The following EPPK1 variants were observed in gnomAD, a reference collection of about 807,000 sequenced individuals.
EPPK1 encodes the protein epiplakin.
For missense variants in EPPK1, 3,823 were observed against 3,673.3 expected, an observed-to-expected ratio of 1.04 and a Z score of -1.05; for synonymous variants, 1,862 against 1,721.2, an observed-to-expected ratio of 1.08 and a Z score of -2.03.
In EPPK1 at chr8:143,877,171, A is replaced by G. The variant is rs376973511; in HGVS notation, c.-46+1267T>C. The stretch of plus-strand genomic sequence containing the variant: ...CCTGTGGCTGGCTGCACCACTCCCT[A>G]TCTCTTCCTGACCTTGGGCCTGGTA... On this transcript the variant is annotated intron_variant, in intron 1 of 1. Transcript: ENST00000615648. Among the ~76,000 whole-genome samples the G allele has an allele frequency of 2.8e-4, 43 of 152,160 alleles. 1 individual carries two copies. The highest frequency in any genetic ancestry group is 8.9e-4 in the African/African-American group (37 of 41,444).
In EPPK1 at chr8:143,867,365, C is replaced by T. The variant is rs1554659440; in HGVS notation, c.5889G>A (p.Glu1963=). 1.2e-6 allele frequency: 2 copies of T among 1,612,922 alleles called. No homozygotes were observed. Among genetic ancestry groups the T allele is most frequent in the Non-Finnish European group, 1.7e-6 (2 of 1,179,872 alleles). ...CAGCCTTCAGGAGCCTCTCCCGCAG[C>T]TCCTCGTTCACCAGGCCCACATCCA... The part of the protein sequence containing the change: ...EAVDVGLVNE[E]LRERLLKAER... Residue 1963 remains glutamate, a synonymous_variant, in exon 2 of 2, where the codon GAG becomes GAA. Coordinates refer to ENST00000615648, the MANE Select transcript of EPPK1 (RefSeq NM_031308.4).
Position 143,857,974 on chromosome 8 carries a change from G to C in EPPK1, c.*13C>G. 1 of 1,541,768 alleles carries C rather than the reference G, an allele frequency of 6.5e-7. No individual in the cohort carries two copies. The highest frequency in any genetic ancestry group is 1.2e-5 in the South Asian group (1 of 83,958). ...TCTCCAGAGTTGCAGAAAACTGCAC[G>C]GAGGAAGCCCAGTCACTGTAGAGAG... On this transcript the variant is annotated 3_prime_UTR_variant, in exon 2 of 2. Transcript: ENST00000615648.
In EPPK1 at chr8:143,869,624, A is replaced by G. The variant is rs1819268076; in HGVS notation, c.3630T>C (p.Asp1210=). The G allele has an allele frequency of 2.5e-6, 4 of 1,581,626 alleles. No homozygotes were observed. The highest frequency in any genetic ancestry group is 2.6e-6 in the Non-Finnish European group (3 of 1,164,040). The change falls in exon 2 of 2, where the codon GAT becomes GAC. Residue 1210 remains aspartate, a synonymous_variant. Coordinates refer to ENST00000615648, the MANE Select transcript of EPPK1 (RefSeq NM_031308.4). The stretch of plus-strand genomic sequence containing the variant: ...GGGTCTCCTGGGTGATGATGCCAGC[A>G]TCCAGCAGCCAGACAGCGGGTACCT... The part of the protein sequence containing the change: ...RGEVPAVWLL[D]AGIITQETLE...
Position 143,870,117 on chromosome 8 carries a change from G to A in EPPK1, c.3137C>T (p.Thr1046Ile), listed in dbSNP as rs781919383. Residue 1046 changes from threonine to isoleucine, a missense_variant, in exon 2 of 2, where the codon ACA becomes ATA. Physicochemically the swap from Thr to Ile is moderately conservative, Grantham distance 89. Transcript: ENST00000615648. The surrounding 1 kb of genome is among the most constrained non-coding windows in gnomAD (Gnocchi z 5.2). ...GCTGGTGGGGTCAATGATCCCTCCT[G>A]TGGCCACTTGAGCCTCCAGGAGGCG... Reference protein sequence around the residue: ...AARLLEAQVATGGIIDPTSHH... With the variant: ...AARLLEAQVAIGGIIDPTSHH... 97 of 1,611,250 alleles carry A rather than the reference G, an allele frequency of 6.0e-5. No homozygotes were observed. Among genetic ancestry groups the A allele is most frequent in the Non-Finnish European group, 8.0e-5 (94 of 1,179,308 alleles).
rs1011327325 is a variant in EPPK1 at position 143,871,031 on chromosome 8, G to A, written c.2223C>T (p.Asp741=). 7.4e-6 allele frequency: 12 copies of A among 1,613,062 alleles called. No homozygotes were observed. Among genetic ancestry groups the A allele is most frequent in the Admixed American group, 1.7e-5 (1 of 60,004 alleles). Residue 741 remains aspartate, a synonymous_variant, in exon 2 of 2, where the codon GAC becomes GAT. Coordinates refer to ENST00000615648, the MANE Select transcript of EPPK1 (RefSeq NM_031308.4). ...CGAAGTAGCCGCGCCGGTAGGCCACGTCCACGGGCACGCGGTGGCTGTGCA... is the reference window on the plus strand; with the variant it reads ...CGAAGTAGCCGCGCCGGTAGGCCACATCCACGGGCACGCGGTGGCTGTGCA... ...DPVHSHRVPV[D]VAYRRGYFDQ...
Position 143,866,634 on chromosome 8 carries a change from G to A in EPPK1, c.6620C>T (p.Thr2207Met), listed in dbSNP as rs183595356. The A allele has an allele frequency of 1.4e-4, 220 of 1,613,018 alleles. No individual in the cohort carries two copies. Among genetic ancestry groups the A allele is most frequent in the Middle Eastern group, 1.3e-3 (8 of 6,062 alleles). The change falls in exon 2 of 2, where the codon ACG (threonine) becomes ATG (methionine). Residue 2207 changes from threonine (T) to methionine (M), a missense_variant. By Grantham distance (81) the Thr-to-Met change is moderately conservative. Transcript: ENST00000615648. Reference sequence around the variant, plus strand: ...GCGGTCGTCCTCCATGAGCTCTTGCGTCGTGCTCCGTCCCGTTTCCAGGTC... The same window carrying A: ...GCGGTCGTCCTCCATGAGCTCTTGCATCGTGCTCCGTCCCGTTTCCAGGTC... ...LQDLETGRSTTQELMEDDRVK... is the reference protein window; with the variant it reads ...LQDLETGRSTMQELMEDDRVK...
At chr8:143,873,368 T>C (rs1314427233) in intron 1 of EPPK1, 70 bp from the exon 2 acceptor site, 4 of 1,165,258 alleles carry the variant, frequency 3.4e-6, no homozygotes, top group South Asian at 1.8e-5. Context: ...GATGCGGTCA[T>C]GGGGCAATCC....
At chr8:143,873,438 T>A in intron 1 of EPPK1, 140 bp from the exon 2 acceptor site, 1 of 571,316 alleles carries the variant, frequency 1.8e-6, no homozygotes, top group Non-Finnish European at 2.8e-6. Context: ...CCCGAGGAGC[T>A]GAGTCTGCCC....
Position 143,869,105 on chromosome 8 carries a change from G to A in EPPK1, c.4149C>T (p.Gly1383=), listed in dbSNP as rs546792286. ...CCTGGCTCGTCTGTGTGTCCAGAAG[G>A]CCGAGTCTGCAGGCTGCCGCCTGGG... is the stretch of plus-strand genomic sequence containing the variant. The part of the protein sequence containing the change: ...HLPQAAACRL[G]LLDTQTSQVL... Residue 1383 remains glycine, a synonymous_variant, in exon 2 of 2, where the codon GGC becomes GGT. Transcript: ENST00000615648. 2.5e-6 allele frequency: 4 copies of A among 1,606,492 alleles called. No homozygotes were observed. The highest frequency in any genetic ancestry group is 1.1e-5 in the South Asian group (1 of 91,068).
rs781795230 is a variant in EPPK1, at chr8:143,870,486, C to T, written c.2768G>A (p.Arg923His). The change falls in exon 2 of 2, where the codon CGC (arginine) becomes CAC (histidine). Residue 923 changes from arginine to histidine, a missense_variant. Physicochemically the swap from Arg to His is conservative, Grantham distance 29 (BLOSUM62 0). Transcript: ENST00000615648. This position sits in a 1 kb window ranked among gnomAD's most constrained non-coding sequence, Gnocchi z 5.2. ...PEALLLMDGVRRYLCGLGAVG... is the reference protein window; with the variant it reads ...PEALLLMDGVHRYLCGLGAVG... Reference sequence around the variant, plus strand: ...AGCTCCCAGGCCGCACAGGTACCTGCGGACGCCGTCCATGAGTAGGAGGGC... The same window carrying T: ...AGCTCCCAGGCCGCACAGGTACCTGTGGACGCCGTCCATGAGTAGGAGGGC... 2.0e-5 allele frequency: 32 copies of T among 1,604,516 alleles called. No individual in the cohort carries two copies. The East Asian group carries it at 4.2e-4, about 21-fold the overall frequency.
Position 143,866,078 on chromosome 8 carries a change from G to A in EPPK1, c.7176C>T (p.His2392=). Residue 2392 remains histidine, a synonymous_variant, in exon 2 of 2, where the codon CAC becomes CAT. Coordinates refer to ENST00000615648, the MANE Select transcript of EPPK1 (RefSeq NM_031308.4). ...DTKGFFDPNT[H]ENLTYVQLLR... ...GCAGCTGCACGTACGTGAGGTTCTC[G>A]TGCGTGTTGGGGTCGAAGAAGCCCT... 4.0e-6 allele frequency: 1 copy of A among 250,168 alleles called. No homozygotes were observed. The highest frequency in any genetic ancestry group is 6.7e-6 in the Non-Finnish European group (1 of 148,156). 15.5% of individuals were successfully genotyped at this position (250,168 alleles called of 1,614,324 possible).
At position 143,870,663 on chromosome 8, in the gene EPPK1, A is replaced by G; in HGVS notation, c.2591T>C (p.Val864Ala). 2 of 1,607,560 alleles carry G rather than the reference A, an allele frequency of 1.2e-6. No homozygotes were observed. The highest frequency in any genetic ancestry group is 1.7e-6 in the Non-Finnish European group (2 of 1,177,786). The change falls in exon 2 of 2, where the codon GTG (valine) becomes GCG (alanine). Residue 864 changes from valine to alanine, a missense_variant. Val to Ala is a moderately conservative substitution (Grantham distance 64). Coordinates refer to ENST00000615648, the MANE Select transcript of EPPK1 (RefSeq NM_031308.4). This position sits in a 1 kb window ranked among gnomAD's most constrained non-coding sequence, Gnocchi z 5.2. ...YRQREVTLGQ[V>A]AKLLEAETQR... Reference sequence around the variant, plus strand: ...CGTCTCCGCCTCCAGCAGCTTTGCCACCTGCCCCAGCGTGACCTCGCGCTG... The same window carrying G: ...CGTCTCCGCCTCCAGCAGCTTTGCCGCCTGCCCCAGCGTGACCTCGCGCTG...
In EPPK1 at chr8:143,872,949, C is replaced by A. The variant is rs150047119; in HGVS notation, c.305G>T (p.Gly102Val). Residue 102 changes from glycine to valine, a missense_variant, in exon 2 of 2, where the codon GGT (glycine) becomes GTT (valine). By Grantham distance (109) the Gly-to-Val change is moderately radical. Transcript: ENST00000615648. ...LLPVSKALQQ[G>V]LVGLELKEKL... ...CTCCTTCAGCTCCAGCCCCACCAGA[C>A]CCTGCTGCAGGGCCTTGGACACAGG... 4,336 of 1,609,810 alleles carry A rather than the reference C, an allele frequency of 2.7e-3. 9 individuals carry two copies. The highest frequency in any genetic ancestry group is 8.3e-3 in the Middle Eastern group (50 of 6,050).
rs201849744 is a variant in EPPK1, at chr8:143,870,894, C to T, written c.2360G>A (p.Arg787His). ...GAGGTACAGGCCCGTCTCGGGGTCA[C>T]GCACACAGCGCTCCAGAAGCTGCAG... ...TYLQLLERCV[R>H]DPETGLYLLP... The change falls in exon 2 of 2, where the codon CGT becomes CAT. Residue 787 changes from arginine to histidine, a missense_variant. Coordinates refer to ENST00000615648, the MANE Select transcript of EPPK1 (RefSeq NM_031308.4). The surrounding 1 kb of genome is among the most constrained non-coding windows in gnomAD (Gnocchi z 5.2). 117 of 1,612,982 alleles carry T rather than the reference C, an allele frequency of 7.3e-5. 2 individuals carry two copies. Among genetic ancestry groups the T allele is most frequent in the East Asian group, 4.5e-4 (20 of 44,884 alleles).
rs782539997 is a variant in EPPK1 at position 143,871,128 on chromosome 8, C to T, written c.2126G>A (p.Gly709Asp). ...GATGCCGTGCTCCCGGACGATGAGG[C>T]CCTTCTGCATGGCCTGGAAGAGGGA... ...QISLFQAMQK[G>D]LIVREHGIRL... The change falls in exon 2 of 2, where the codon GGC becomes GAC. Residue 709 changes from glycine to aspartate, a missense_variant. Gly to Asp is a moderately conservative substitution (Grantham distance 94). Coordinates refer to ENST00000615648, the MANE Select transcript of EPPK1 (RefSeq NM_031308.4). 3.8e-5 allele frequency: 61 copies of T among 1,612,848 alleles called. No homozygotes were observed. Among genetic ancestry groups the T allele is most frequent in the Admixed American group, 2.0e-4 (12 of 60,002 alleles).
Position 143,872,064 on chromosome 8 carries a change from G to A in EPPK1, c.1190C>T (p.Ala397Val). Residue 397 changes from alanine (A) to valine (V), a missense_variant, in exon 2 of 2, where the codon GCC becomes GTC. Coordinates refer to ENST00000615648, the MANE Select transcript of EPPK1 (RefSeq NM_031308.4). ...GACCAGCCCGCCTGTGGCCAGCTGGGCATCCAAGAGCCGCAGTGCCAGTGG... is the reference window on the plus strand; with the variant it reads ...GACCAGCCCGCCTGTGGCCAGCTGGACATCCAAGAGCCGCAGTGCCAGTGG... ...DRPLALRLLD[A>V]QLATGGLVCP... 3.2e-6 allele frequency: 5 copies of A among 1,560,920 alleles called. No individual in the cohort carries two copies. The highest frequency in any genetic ancestry group is 3.5e-6 in the Non-Finnish European group (4 of 1,153,066).
chr8:143,878,687 A>T (rs1173593792), upstream of EPPK1, among the ~76,000 whole-genome samples: 2 of 150,824 alleles, frequency 1.3e-5, no homozygotes, highest in Non-Finnish European at 2.9e-5. Context: ...GAAGGAACGC[A>T]GGGCGGGCGC....
In EPPK1 at chr8:143,866,384, G is replaced by A. The variant is rs1467867627; in HGVS notation, c.6870C>T (p.Gly2290=). 8 of 950,062 alleles carry A rather than the reference G, an allele frequency of 8.4e-6. No individual in the cohort carries two copies. Among genetic ancestry groups the A allele is most frequent in the South Asian group, 7.0e-5 (4 of 57,106 alleles). 58.9% of individuals were successfully genotyped at this position (950,062 alleles called of 1,614,324 possible). A position where few individuals can be genotyped will look rare whatever the true frequency, so the allele number is the denominator to read the frequency against. Residue 2290 remains glycine, a synonymous_variant, in exon 2 of 2, where the codon GGC becomes GGT. Coordinates refer to ENST00000615648, the MANE Select transcript of EPPK1 (RefSeq NM_031308.4). ...RLSVEEAVAA[G]VVGGEIQEKL... is the part of the protein sequence containing the mutation. ...TCTCCTGGATCTCGCCGCCCACCAC[G>A]CCCGCGGCCACGGCCTCCTCCACCG... is the stretch of plus-strand genomic sequence containing the variant.
rs782460294 is a variant in EPPK1, at chr8:143,867,418, G to A, written c.5836C>T (p.Arg1946Cys). ...ATGFLLDPCT[R>C]QKLSVDEAVD... The stretch of plus-strand genomic sequence containing the variant: ...GCCTCATCCACAGAGAGCTTCTGGC[G>A]GGTGCAGGGGTCCAGGAGGAACCCG... Residue 1946 changes from arginine to cysteine, a missense_variant, in exon 2 of 2, where the codon CGC becomes TGC. By Grantham distance (180) the Arg-to-Cys change is radical. Coordinates refer to ENST00000615648, the MANE Select transcript of EPPK1 (RefSeq NM_031308.4). 25 of 1,612,694 alleles carry A rather than the reference G, an allele frequency of 1.6e-5. No individual in the cohort carries two copies. The highest frequency in any genetic ancestry group is 1.6e-4 in the Middle Eastern group (1 of 6,084).
Sources: allele counts gnomAD v4.1 joint callset (sites outside exome capture counted in the v4.1 genomes callset), GRCh38; gene constraint gnomAD v4.1.1; non-coding constraint Gnocchi (gnomAD v3.1); transcripts MANE v1.5; gene names NCBI Gene and HGNC (gene_info 2026-07-23, HGNC 2026-07-21).